Variants in FAM13B observed in about 807,000 individuals in gnomAD.
The protein encoded by FAM13B is family with sequence similarity 13 member B.
Under a neutral mutation model 117.3 loss-of-function variants are expected in FAM13B, and 60 were observed. The observed-to-expected ratio is 0.51, with a 90% CI of 0.42 to 0.63. The LOEUF (loss-of-function observed/expected upper bound fraction) is 0.63. Ranked by LOEUF, FAM13B falls within the 30% of genes least tolerant of loss-of-function variation. The probability of loss-of-function intolerance (pLI) is 0.00; values close to 1 mark genes in which losing one functional copy is unlikely to be tolerated. For missense variants in FAM13B, 972 were observed against 1,091.9 expected, an observed-to-expected ratio of 0.89 and a Z score of 1.55; for synonymous variants, 332 against 356.1, an observed-to-expected ratio of 0.93 and a Z score of 0.76.
At position 138,011,086 on chromosome 5, in the gene FAM13B, A is replaced by C. The variant is rs1783882392; in HGVS notation, c.612T>G (p.Leu204=). 1 of 1,608,730 alleles carries C rather than the reference A, an allele frequency of 6.2e-7. No individual in the cohort carries two copies. Among genetic ancestry groups the C allele is most frequent in the Admixed American group, 1.7e-5 (1 of 58,510 alleles). The change falls in exon 6 of 24, where the codon CTT becomes CTG. Residue 204 remains leucine (L), a synonymous_variant. Transcript: ENST00000689681. ...QEIVSRIMAG[L]LENYYEFFEN... Reference sequence around the variant, plus strand: ...CAAAAAACTCATAGTAGTTTTCCAGAAGTCCAGCCATTATCCTGCTCACTA... The same window carrying C: ...CAAAAAACTCATAGTAGTTTTCCAGCAGTCCAGCCATTATCCTGCTCACTA...
chr5:137,994,223 T>G (rs886628300), intron 7 of FAM13B, among the ~76,000 whole-genome samples: 1 of 152,172 alleles, frequency 6.6e-6, no homozygotes, highest in African/African-American at 2.4e-5. Context: ...CAGCTCCTTT[T>G]AATAAGGAGC....
chr5:138,036,047 A>T (rs180729390), upstream of FAM13B: 5 of 239,008 alleles, frequency 2.1e-5, no homozygotes, highest in Admixed American at 2.1e-4. Flanking sequence ...GCCCTGTCAG[A>T]TAGGATCTGA....
intron 14 of FAM13B, 52 bp downstream of exon 14, chr5:137,956,425 C>G: frequency 1.6e-6 from 2 of 1,264,500 alleles, no homozygotes; most frequent in Non-Finnish European, 2.2e-6. Flanking sequence ...AAAAGACAAA[C>G]AAAGTGAACC....
intron 17 of FAM13B, among the ~76,000 whole-genome samples, chr5:137,951,653 T>C (rs1296041166): frequency 6.6e-6 from 1 of 151,966 alleles, no homozygotes; most frequent in Non-Finnish European, 1.5e-5. Context: ...AGCAAGATTC[T>C]GTCTCAAAAA....
At chr5:137,944,804 C>T (rs1457589880) in intron 20 of FAM13B, among the ~76,000 whole-genome samples, 2 of 151,164 alleles carry the variant, frequency 1.3e-5, no homozygotes, top group African/African-American at 4.9e-5. Flanking sequence ...TGGGATAACA[C>T]GGATGTAGGT....
chr5:138,023,785 C>G (rs1305405548), intron 1 of FAM13B, among the ~76,000 whole-genome samples: 1 of 152,160 alleles, frequency 6.6e-6, no homozygotes, highest in African/African-American at 2.4e-5. Flanking sequence ...GTCTTGAACT[C>G]CTGGGCTCAG....
chr5:137,950,384 A>G (rs1224694056), intron 17 of FAM13B, among the ~76,000 whole-genome samples: 1 of 152,192 alleles, frequency 6.6e-6, no homozygotes, highest in Non-Finnish European at 1.5e-5. Flanking sequence ...AAGGTCCTAA[A>G]GCTTGGCAAG....
chr5:137,966,297 C>T (rs1287234521), intron 10 of FAM13B, among the ~76,000 whole-genome samples: 5 of 151,068 alleles, frequency 3.3e-5, no homozygotes, highest in Admixed American at 6.6e-5. Context: ...ATTAGCTGGG[C>T]GTGGTGGTAC....
At chr5:137,951,259 C>T (rs1010957801) in intron 17 of FAM13B, among the ~76,000 whole-genome samples, 62 of 142,302 alleles carry the variant, frequency 4.4e-4, no homozygotes, top group Non-Finnish European at 8.5e-4. Context: ...CAAACATTAT[C>T]TTAACCACAA....
chr5:137,998,781 A>G (rs1428580460), intron 7 of FAM13B, among the ~76,000 whole-genome samples: 2 of 152,232 alleles, frequency 1.3e-5, no homozygotes, highest in Non-Finnish European at 2.9e-5. Flanking sequence ...CAGTGAAGCA[A>G]TCTTTTCCAA....
chr5:138,014,032 G>C (rs986708762), intron 4 of FAM13B, among the ~76,000 whole-genome samples: 3 of 152,070 alleles, frequency 2.0e-5, no homozygotes, highest in African/African-American at 4.8e-5. Flanking sequence ...AACCTCCCAG[G>C]CCCAAGCGAT....
At chr5:138,028,310 C>T (rs1788976108) in intron 1 of FAM13B, among the ~76,000 whole-genome samples, 1 of 152,146 alleles carries the variant, frequency 6.6e-6, no homozygotes, top group African/African-American at 2.4e-5. Flanking sequence ...ACAGGCAAGG[C>T]CTACTAGACT....
chr5:137,983,252 A>T (rs1302303866), intron 10 of FAM13B, among the ~76,000 whole-genome samples: 1 of 150,964 alleles, frequency 6.6e-6, no homozygotes, highest in Non-Finnish European at 1.5e-5. Flanking sequence ...TGAAAAAAGT[A>T]TATCAAGGTA....
intron 7 of FAM13B, among the ~76,000 whole-genome samples, chr5:137,992,042 G>C (rs545796832): frequency 6.6e-6 from 1 of 151,712 alleles, no homozygotes; most frequent in Non-Finnish European, 1.5e-5. Context: ...GCCTCAGACC[G>C]CCAAATAAGT....
chr5:137,946,156 G>T, intron 19 of FAM13B, 72 bp downstream of exon 19: 1 of 1,386,424 alleles, frequency 7.2e-7, no homozygotes, highest in South Asian at 1.3e-5. Flanking sequence ...CCTGAAGAAT[G>T]TAGGCCACAA....
chr5:137,939,947 A>G lies in FAM13B; in HGVS notation c.*278T>C. 7.2e-7 allele frequency: 1 copy of G among 1,379,596 alleles called. No homozygotes were observed. The highest frequency in any genetic ancestry group is 2.0e-5 in the South Asian group (1 of 51,226). 85.5% of individuals were successfully genotyped at this position (1,379,596 alleles called of 1,614,324 possible). A position where few individuals can be genotyped will look rare whatever the true frequency, so the allele number is the denominator to read the frequency against. On this transcript the variant is annotated 3_prime_UTR_variant, in exon 24 of 24. Transcript: ENST00000689681. Reference sequence around the variant, plus strand: ...AAGGATAAAATTCCAGTCTTTTGCTAAAAGGATGTATCTGTAGTACAAAAC... The same window carrying G: ...AAGGATAAAATTCCAGTCTTTTGCTGAAAGGATGTATCTGTAGTACAAAAC...
At chr5:137,948,614 C>T (rs1414358140) in intron 18 of FAM13B, among the ~76,000 whole-genome samples, 1 of 152,062 alleles carries the variant, frequency 6.6e-6, no homozygotes, top group Non-Finnish European at 1.5e-5. Flanking sequence ...AGGCTGGTCT[C>T]GAACTCCTGG....
chr5:138,019,556 T>C (rs531241016), intron 2 of FAM13B, among the ~76,000 whole-genome samples: 2 of 152,352 alleles, frequency 1.3e-5, no homozygotes, highest in East Asian at 1.9e-4. Flanking sequence ...CCTCAATTCA[T>C]AAGCCCAAAC....
chr5:137,983,983 T>C (rs752503152), intron 10 of FAM13B, among the ~76,000 whole-genome samples: 9 of 152,194 alleles, frequency 5.9e-5, no homozygotes, highest in South Asian at 2.1e-4. Context: ...AGCATCTTAT[T>C]TTTAAAAGTA....
Sources: allele counts gnomAD v4.1 joint callset (sites outside exome capture counted in the v4.1 genomes callset), GRCh38; gene constraint gnomAD v4.1.1; transcripts MANE v1.5; gene names NCBI Gene and HGNC (gene_info 2026-07-23, HGNC 2026-07-21).